Variants in NHSL2 observed in about 807,000 individuals in gnomAD.
NHSL2 encodes the protein NHS like 2.
Under a neutral mutation model 53.4 loss-of-function variants are expected in NHSL2, and 27 were observed. That is an observed-to-expected ratio of 0.51 (90% confidence interval 0.37 to 0.70). The LOEUF is 0.70. Among genes scored for constraint, NHSL2 ranks in the 30% least tolerant of loss-of-function variants. NHSL2 has a pLI of 0.00. For missense variants in NHSL2, 892 were observed against 980.1 expected (o/e 0.91, Z 1.20); for synonymous variants, 408 against 404.1 (o/e 1.01, Z -0.12).
intron 1 of NHSL2, among the ~76,000 whole-genome samples, chrX:72,107,259 T>A (rs2042051605): frequency 9.0e-6 from 1 of 110,500 alleles, no homozygotes; most frequent in Non-Finnish European, 1.9e-5. Flanking sequence ...CCGTCTCTAC[T>A]AAAAATACAA....
chrX:72,112,852 G>A (rs1048112748), intron 1 of NHSL2, among the ~76,000 whole-genome samples: 1 of 110,919 alleles, frequency 9.0e-6, no homozygotes, highest in Non-Finnish European at 1.9e-5. Context: ...ACCACATCCA[G>A]CTAATTTTTG....
intron 1 of NHSL2, among the ~76,000 whole-genome samples, chrX:71,920,535 G>A (rs2147812491): frequency 9.0e-6 from 1 of 110,880 alleles, no homozygotes; most frequent in East Asian, 2.8e-4. Context: ...GAATTTCTGG[G>A]GGATGAGGCC....
In NHSL2 at chrX:72,138,460, A is replaced by T; in HGVS notation, c.912A>T (p.Ala304=). 6.1e-6 allele frequency: 7 copies of T among 1,151,385 alleles called. No homozygotes were observed. The highest frequency in any genetic ancestry group is 8.1e-6 in the Non-Finnish European group (7 of 861,692). The allele number at this position is 1,151,385 out of a possible 1,213,427, so 94.9% of individuals were successfully genotyped here. ...QRDQGHSNSP[A]GSVAHSTTSD... ...CTCCAGGTCACAGCAACAGCCCAGC[A>T]GGCAGTGTGGCCCACTCTACCACCT... The change falls in exon 6 of 8, where the codon GCA becomes GCT. Residue 304 remains alanine, a synonymous_variant. Coordinates refer to ENST00000633930, the MANE Select transcript of NHSL2 (RefSeq NM_001013627.3).
intron 1 of NHSL2, among the ~76,000 whole-genome samples, chrX:71,967,861 G>A (rs933869705): frequency 9.0e-6 from 1 of 111,134 alleles, no homozygotes; most frequent in African/African-American, 3.3e-5. Context: ...TAATTTTGAG[G>A]GCAGAGGTTT....
intron 1 of NHSL2, among the ~76,000 whole-genome samples, chrX:71,976,870 G>GT (rs915332910): frequency 5.3e-5 from 6 of 112,569 alleles, no homozygotes; most frequent in African/African-American, 1.9e-4. Flanking sequence ...ACAGAGCATT[G>GT]TTTTTTCTCC....
At chrX:71,991,787 T>G (rs909808925) in intron 1 of NHSL2, among the ~76,000 whole-genome samples, 2 of 103,049 alleles carry the variant, frequency 1.9e-5, no homozygotes, top group Non-Finnish European at 4.0e-5. Context: ...TCTCTCTCTG[T>G]CTCTCTATGT....
At chrX:72,100,897 A>G (rs1352880041) in intron 1 of NHSL2, among the ~76,000 whole-genome samples, 1 of 111,851 alleles carries the variant, frequency 8.9e-6, no homozygotes, top group Non-Finnish European at 1.9e-5. Context: ...CACAAGCCGT[A>G]GCATGGCCAC....
intron 1 of NHSL2, chrX:72,131,077 G>A: frequency 8.3e-7 from 1 of 1,210,202 alleles, no homozygotes; most frequent in Non-Finnish European, 1.1e-6. Flanking sequence ...TCCTGAAAAG[G>A]GCTCTATCTC....
intron 1 of NHSL2, among the ~76,000 whole-genome samples, chrX:72,107,532 T>C (rs2147471430): frequency 9.0e-6 from 1 of 111,554 alleles, no homozygotes; most frequent in African/African-American, 3.3e-5. Flanking sequence ...AGCTGGGTGC[T>C]GAGGTTACAC....
chrX:72,032,912 T>A (rs1441033651), intron 1 of NHSL2, among the ~76,000 whole-genome samples: 1 of 112,165 alleles, frequency 8.9e-6, no homozygotes, highest in East Asian at 2.8e-4. Flanking sequence ...GTGGGTCTAT[T>A]TCTGGATTAT....
At chrX:72,131,169 G>A in intron 1 of NHSL2, 1 of 1,176,837 alleles carries the variant, frequency 8.5e-7, no homozygotes, top group Non-Finnish European at 1.1e-6. Flanking sequence ...GGGGCGGGAT[G>A]GGCAGCAGAG....
At chrX:72,093,721 G>GCTTGCTTGCTTGCTTGCTTGCTTT (rs1216358306) in intron 1 of NHSL2, among the ~76,000 whole-genome samples, 50 of 95,332 alleles carry the variant, frequency 5.2e-4, no homozygotes, top group South Asian at 4.7e-3. Flanking sequence ...TAGCTTGCTT[G>GCTTGCTTGCTTGCTTGCTTGCTTT]CTTTCTTTCT....
intron 7 of NHSL2, among the ~76,000 whole-genome samples, chrX:72,142,645 G>A (rs1027487129): frequency 1.8e-5 from 2 of 110,233 alleles, no homozygotes; most frequent in African/African-American, 6.6e-5. Flanking sequence ...TGCCGAGTGA[G>A]AGGCCCCTCG....
At chrX:72,106,357 A>G (rs1443466123) in intron 1 of NHSL2, among the ~76,000 whole-genome samples, 4 of 112,326 alleles carry the variant, frequency 3.6e-5, no homozygotes, top group Non-Finnish European at 5.6e-5. Context: ...TTTGTTCTGC[A>G]TGGTTTAAAA....
intron 1 of NHSL2, among the ~76,000 whole-genome samples, chrX:71,967,096 CT>C (rs1271958446): frequency 7.2e-5 from 8 of 111,501 alleles, no homozygotes; most frequent in Non-Finnish European, 1.5e-4. Context: ...TCTTTGTATT[CT>C]TTTATTATTC....
At chrX:71,948,927 T>C (rs1170725403) in intron 1 of NHSL2, among the ~76,000 whole-genome samples, 2 of 106,909 alleles carry the variant, frequency 1.9e-5, no homozygotes, top group Non-Finnish European at 3.8e-5. Context: ...CTAATTTTTG[T>C]ACTTTTTTTT....
At chrX:72,086,800 G>T (rs1189989486) in intron 1 of NHSL2, among the ~76,000 whole-genome samples, 2 of 108,908 alleles carry the variant, frequency 1.8e-5, no homozygotes, top group African/African-American at 6.7e-5. Flanking sequence ...ACGTGTCAAA[G>T]ATTTATTTAA....
intron 1 of NHSL2, among the ~76,000 whole-genome samples, chrX:71,952,911 G>A (rs141709272): frequency 1.0e-3 from 117 of 111,820 alleles, no homozygotes; most frequent in Non-Finnish European, 2.0e-3. Context: ...AATACTACAG[G>A]ACAGCAAGGA....
chrX:72,139,794 C>G lies in NHSL2; in HGVS notation c.2246C>G (p.Pro749Arg). The change falls in exon 6 of 8, where the codon CCT becomes CGT. Residue 749 changes from proline (P) to arginine (R), a missense_variant. Coordinates refer to ENST00000633930, the MANE Select transcript of NHSL2 (RefSeq NM_001013627.3). ...AGTGTCCGGGTACGTCCAGTGGTAC[C>G]TGAGAGGAAGTCATCACTACCCCCG... ...SSSVRVRPVV[P>R]ERKSSLPPTS... 8.3e-7 allele frequency: 1 copy of G among 1,211,456 alleles called. No homozygotes were observed. The highest frequency in any genetic ancestry group is 1.1e-6 in the Non-Finnish European group (1 of 895,306).
Sources: allele counts gnomAD v4.1 joint callset (sites outside exome capture counted in the v4.1 genomes callset), GRCh38; gene constraint gnomAD v4.1.1; transcripts MANE v1.5; gene names NCBI Gene and HGNC (gene_info 2026-07-23, HGNC 2026-07-21).